The following ZNF678 variants were observed in gnomAD, a reference collection of about 807,000 sequenced individuals.
ZNF678 encodes zinc finger protein 678.
ZNF678 carries 5 observed loss-of-function variants against 3.0 expected under a neutral mutation model. The observed-to-expected ratio is 1.69, with a 90% CI of 0.88 to 3.56. The LOEUF is 3.56. Ranked by LOEUF, ZNF678 falls within the 30% of genes most tolerant of loss-of-function variation. The pLI is 0.00. For missense variants in ZNF678, 593 were observed against 605.0 expected (o/e 0.98, Z 0.21); for synonymous variants, 218 against 199.6 (o/e 1.09, Z -0.78).
At chr1:227,630,157 G>A (rs1658515681) in intron 1 of ZNF678, among the ~76,000 whole-genome samples, 2 of 152,146 alleles carry the variant, frequency 1.3e-5, no homozygotes, top group African/African-American at 2.4e-5. Flanking sequence ...GTGACAGAGA[G>A]GTATGCTTCC....
rs1025562312 is a variant in ZNF678, at chr1:227,659,232, T to C, written c.*3404T>C. 1 of 152,104 alleles carries C rather than the reference T, an allele frequency of 6.6e-6. No individual in the cohort carries two copies. Among genetic ancestry groups the C allele is most frequent in the African/African-American group, 2.4e-5 (1 of 41,430 alleles). The allele number at this position is 152,104 out of a possible 1,614,324, so 9.4% of individuals were successfully genotyped here. A position where few individuals can be genotyped will look rare whatever the true frequency, so the allele number is the denominator to read the frequency against. On this transcript the variant is annotated 3_prime_UTR_variant, in exon 4 of 4. Transcript: ENST00000343776. ...CCATTGATACTGGAATCTTGGGAAG[T>C]TTCTTACTCATATCACAATATGTTT...
intron 1 of ZNF678, among the ~76,000 whole-genome samples, chr1:227,639,080 A>G (rs555573617): frequency 3.9e-5 from 6 of 152,062 alleles, no homozygotes; most frequent in African/African-American, 1.2e-4. Context: ...TCGGGAAGGG[A>G]TGGGGGCGGT....
intron 1 of ZNF678, 93 bp from the exon 2 acceptor site, chr1:227,646,451 A>G: frequency 8.0e-7 from 1 of 1,242,942 alleles, no homozygotes; most frequent in Non-Finnish European, 1.1e-6. Context: ...TTCTGCCAGA[A>G]CAAGTTCACT....
chr1:227,641,348 G>A (rs969888227), intron 1 of ZNF678, among the ~76,000 whole-genome samples: 1 of 152,134 alleles, frequency 6.6e-6, no homozygotes, highest in African/African-American at 2.4e-5. Flanking sequence ...AATGGGGTCA[G>A]CCTGAACAAT....
At position 227,620,072 on chromosome 1, in the gene ZNF678, A is replaced by G. The variant is rs144066688; in HGVS notation, c.-163-26472A>G. Among the ~76,000 whole-genome samples, 28 of 152,286 alleles carry G rather than the reference A, an allele frequency of 1.8e-4. No homozygotes were observed. The East Asian group carries it at 4.2e-3, about 23-fold the overall frequency. On this transcript the variant is annotated intron_variant, in intron 1 of 3. Transcript: ENST00000343776. ...TGAGACTCTGGAGGAGCATCTCCAT[A>G]TGGTGAAAGGGAATAGTAGAGTGTA...
At chr1:227,567,455 G>T (rs926696144) in intron 1 of ZNF678, among the ~76,000 whole-genome samples, 1 of 152,160 alleles carries the variant, frequency 6.6e-6, no homozygotes, top group Non-Finnish European at 1.5e-5. Flanking sequence ...TTCCTGAGGA[G>T]CCTCCTCTGC....
chr1:227,642,963 A>G (rs57927096), intron 1 of ZNF678, among the ~76,000 whole-genome samples: 1 of 152,056 alleles, frequency 6.6e-6, no homozygotes. Context: ...TGGAGCTGTC[A>G]TGGCTCCATC....
chr1:227,617,094 C>G (rs529663260), intron 1 of ZNF678, among the ~76,000 whole-genome samples: 1 of 152,266 alleles, frequency 6.6e-6, no homozygotes, highest in African/African-American at 2.4e-5. Context: ...GTGAAGCTAG[C>G]CCTGCCATCA....
chr1:227,583,655 G>A (rs1657190148), intron 1 of ZNF678, among the ~76,000 whole-genome samples: 2 of 152,206 alleles, frequency 1.3e-5, no homozygotes, highest in African/African-American at 2.4e-5. Flanking sequence ...AAAAAAAATA[G>A]GAGGTAGGAA....
intron 1 of ZNF678, among the ~76,000 whole-genome samples, chr1:227,620,838 G>A (rs1463230636): frequency 6.6e-6 from 1 of 152,212 alleles, no homozygotes; most frequent in Non-Finnish European, 1.5e-5. Flanking sequence ...AGTGCACATA[G>A]CAAGCAGCTT....
At chr1:227,636,509 A>G (rs920325587) in intron 1 of ZNF678, among the ~76,000 whole-genome samples, 3 of 152,138 alleles carry the variant, frequency 2.0e-5, no homozygotes, top group Non-Finnish European at 4.4e-5. Flanking sequence ...TAGTTATTCT[A>G]TTTAGCATAT....
rs773384319 is a variant in ZNF678, at chr1:227,658,238, G to A, written c.*2410G>A. ...CTTTATTGAGCCATTTTGTTTAGAT[G>A]TACACTGGGAAGGCTTCATAATTCA... is the stretch of plus-strand genomic sequence containing the variant. On this transcript the variant is annotated 3_prime_UTR_variant, in exon 4 of 4. Coordinates refer to ENST00000343776, the MANE Select transcript of ZNF678 (RefSeq NM_001367909.1). 1.3e-5 allele frequency: 2 copies of A among 151,720 alleles called. No individual in the cohort carries two copies. The highest frequency in any genetic ancestry group is 2.9e-5 in the Non-Finnish European group (2 of 67,862). 9.4% of individuals were successfully genotyped at this position (151,720 alleles called of 1,614,324 possible). A position where few individuals can be genotyped will look rare whatever the true frequency, so the allele number is the denominator to read the frequency against.
intron 1 of ZNF678, among the ~76,000 whole-genome samples, chr1:227,614,951 G>A (rs200648155): frequency 1.3e-5 from 2 of 151,946 alleles, no homozygotes; most frequent in African/African-American, 4.8e-5. Flanking sequence ...AGTTAACAGC[G>A]TTTAATTGAA....
chr1:227,605,654 T>C (rs1005432053), intron 1 of ZNF678, among the ~76,000 whole-genome samples: 1 of 152,218 alleles, frequency 6.6e-6, no homozygotes, highest in African/African-American at 2.4e-5. Context: ...CAAAATTTTT[T>C]TCTGTCAATG....
At chr1:227,643,863 C>CTTT (rs554280668) in intron 1 of ZNF678, among the ~76,000 whole-genome samples, 14 of 115,426 alleles carry the variant, frequency 1.2e-4, no homozygotes, top group African/African-American at 2.4e-4. Context: ...CTTTTCTTTT[C>CTTT]TTTTTTTTTT....
At chr1:227,618,964 A>AAG (rs1374048149) in intron 1 of ZNF678, among the ~76,000 whole-genome samples, 1 of 152,118 alleles carries the variant, frequency 6.6e-6, no homozygotes, top group Admixed American at 6.5e-5. Flanking sequence ...GGCAAAGGGG[A>AAG]AGCAAAGACC....
At chr1:227,615,240 C>A (rs1385693015) in intron 1 of ZNF678, among the ~76,000 whole-genome samples, 1 of 152,242 alleles carries the variant, frequency 6.6e-6, no homozygotes, top group Non-Finnish European at 1.5e-5. Context: ...AGTTGGTTTA[C>A]ATACTCAGGA....
intron 1 of ZNF678, among the ~76,000 whole-genome samples, chr1:227,592,881 T>A (rs1342323756): frequency 6.6e-6 from 1 of 152,214 alleles, no homozygotes; most frequent in Non-Finnish European, 1.5e-5. Flanking sequence ...CCAGTAAAGG[T>A]CCACCACAGT....
chr1:227,595,428 C>T (rs962306541), intron 1 of ZNF678, among the ~76,000 whole-genome samples: 2 of 152,112 alleles, frequency 1.3e-5, no homozygotes, highest in Admixed American at 6.5e-5. Context: ...AAACAAGGGA[C>T]CTATCCAGGC....
Sources: gnomAD v4.1 joint callset for allele counts (sites outside exome capture counted in the v4.1 genomes callset) on GRCh38, gnomAD v4.1.1 for gene constraint, MANE v1.5 for transcripts, NCBI Gene and HGNC (gene_info 2026-07-23, HGNC 2026-07-21) for gene names.